Variants in ARRB1 observed in about 807,000 individuals in gnomAD.
ARRB1 encodes the protein beta-arrestin-1.
In ARRB1, 21 loss-of-function variants were observed where a neutral mutation model predicts 56.8. That is an observed-to-expected ratio of 0.37 (90% CI 0.26 to 0.53). The LOEUF (loss-of-function observed/expected upper bound fraction) is 0.53. Ranked by LOEUF, ARRB1 falls within the 20% of genes least tolerant of loss-of-function variation. ARRB1 has a pLI of 0.88. For synonymous variants in ARRB1, 210 were observed against 218.6 expected (o/e 0.96, Z 0.35); for missense variants, 424 against 553.7 (o/e 0.77, Z 2.35).
chr11:75,342,045 T>C (rs1005840485), intron 1 of ARRB1, among the ~76,000 whole-genome samples: 4 of 152,188 alleles, frequency 2.6e-5, no homozygotes, highest in Admixed American at 6.5e-5. Context: ...TACTTCCTGC[T>C]TGACACATAG....
intron 1 of ARRB1, among the ~76,000 whole-genome samples, chr11:75,322,566 G>A (rs1947364179): frequency 6.6e-6 from 1 of 152,176 alleles, no homozygotes; most frequent in African/African-American, 2.4e-5. Flanking sequence ...TCTAGGGGAA[G>A]ACAGGGGAAT....
chr11:75,337,705 T>C lies in ARRB1; in HGVS notation c.20+13883A>G, dbSNP rs531386702. Among the ~76,000 whole-genome samples, 3 of 149,476 alleles carry C rather than the reference T, an allele frequency of 2.0e-5. No individual in the cohort carries two copies. The South Asian group carries it at 6.4e-4, about 32-fold the overall frequency. ...CCTGGAAGAGGCCATTCACTCTACC[T>C]GGGCAGGGAGCAGTCAAGGGAGGGC... On this transcript the variant is annotated intron_variant, in intron 1 of 15. Coordinates refer to ENST00000420843, the MANE Select transcript of ARRB1 (RefSeq NM_004041.5).
chr11:75,283,602 T>G, intron 4 of ARRB1, 119 bp from the exon 5 acceptor site: 3 of 981,316 alleles, frequency 3.1e-6, no homozygotes, highest in Non-Finnish European at 4.4e-6. Context: ...TCCCAAGCTC[T>G]GTGGGGATGG....
intron 1 of ARRB1, among the ~76,000 whole-genome samples, chr11:75,328,068 A>G (rs1947469385): frequency 1.3e-5 from 2 of 152,036 alleles, no homozygotes; most frequent in South Asian, 4.2e-4. Flanking sequence ...CCAAAGTAAA[A>G]CCCCTTACTC....
At chr11:75,318,147 C>CTTTTTTT (rs547084580) in intron 1 of ARRB1, among the ~76,000 whole-genome samples, 1 of 76,880 alleles carries the variant, frequency 1.3e-5, no homozygotes, top group Non-Finnish European at 2.3e-5. Context: ...GCATTTCTAA[C>CTTTTTTT]TTTTTTTTTT....
intron 14 of ARRB1, 31 bp from the exon 15 acceptor site, chr11:75,267,734 A>G (rs752852723): frequency 1.3e-6 from 2 of 1,592,782 alleles, no homozygotes; most frequent in Non-Finnish European, 8.6e-7. Context: ...CAGGGTGTCC[A>G]GGGATTAGTG....
At chr11:75,350,533 T>G (rs1197767434) in intron 1 of ARRB1, among the ~76,000 whole-genome samples, 1 of 152,158 alleles carries the variant, frequency 6.6e-6, no homozygotes, top group Non-Finnish European at 1.5e-5. Flanking sequence ...CCAGCGCTGG[T>G]CCTGTCTGAA....
At chr11:75,267,064 G>A (rs1440386296) in intron 15 of ARRB1, among the ~76,000 whole-genome samples, 2 of 152,170 alleles carry the variant, frequency 1.3e-5, no homozygotes, top group Non-Finnish European at 2.9e-5. Context: ...CTCATGGGGT[G>A]ACCTGAGACC....
intron 1 of ARRB1, among the ~76,000 whole-genome samples, chr11:75,345,184 G>A (rs778794889): frequency 3.3e-5 from 5 of 152,126 alleles, no homozygotes; most frequent in African/African-American, 7.2e-5. Context: ...AACTCCCAGG[G>A]GCTTCATCTG....
chr11:75,275,123 A>ATTTATTTTAT (rs71036039), intron 10 of ARRB1, among the ~76,000 whole-genome samples: 65,332 of 137,708 alleles, frequency 0.47, 16,449 homozygotes, highest in East Asian at 0.55. Flanking sequence ...TTTAATTTAA[A>ATTTATTTTAT]TTTATTTTAT....
At chr11:75,296,766 C>G (rs1946760076) in intron 1 of ARRB1, among the ~76,000 whole-genome samples, 1 of 152,118 alleles carries the variant, frequency 6.6e-6, no homozygotes, top group South Asian at 2.1e-4. Context: ...CAACCTCCAT[C>G]TCCCAGGCTC....
intron 1 of ARRB1, chr11:75,306,813 T>C (rs75765618): frequency 0.027 from 13,980 of 512,104 alleles, 253 homozygotes; most frequent in Non-Finnish European, 0.035. Flanking sequence ...GGAGGGCGGA[T>C]GTCCCTGGGC....
intron 1 of ARRB1, among the ~76,000 whole-genome samples, chr11:75,305,018 C>CTTTTTTTTTTTTTTTTTTTTTTTTTTTTT (rs35323331): frequency 5.8e-5 from 5 of 86,734 alleles, no homozygotes; most frequent in Admixed American, 1.4e-4. Context: ...TTCTTTCTTT[C>CTTTTTTTTTTTTTTTTTTTTTTTTTTTTT]TTTTTTTTTT....
chr11:75,267,190 G>C (rs554161351), intron 15 of ARRB1, among the ~76,000 whole-genome samples: 1 of 152,186 alleles, frequency 6.6e-6, no homozygotes, highest in African/African-American at 2.4e-5. Flanking sequence ...TCCCCCTCTG[G>C]CCACTGTCCG....
intron 1 of ARRB1, among the ~76,000 whole-genome samples, chr11:75,324,628 A>AG (rs1380926324): frequency 6.6e-6 from 1 of 152,006 alleles, no homozygotes; most frequent in Admixed American, 6.6e-5. Flanking sequence ...GGTGTGGAAT[A>AG]GGGGGCAGCA....
intron 1 of ARRB1, among the ~76,000 whole-genome samples, chr11:75,293,000 C>T (rs1946644193): frequency 6.6e-6 from 1 of 152,046 alleles, no homozygotes; most frequent in Non-Finnish European, 1.5e-5. Context: ...GGCTGTTTTC[C>T]TAAACCGGGT....
intron 1 of ARRB1, among the ~76,000 whole-genome samples, chr11:75,327,413 T>C (rs1277862918): frequency 2.0e-5 from 3 of 151,854 alleles, no homozygotes; most frequent in Non-Finnish European, 4.4e-5. Flanking sequence ...GCAATCCTCC[T>C]GTCTCAGCCT....
At chr11:75,288,107 C>G (rs1256943553) in intron 2 of ARRB1, among the ~76,000 whole-genome samples, 1 of 152,240 alleles carries the variant, frequency 6.6e-6, no homozygotes, top group African/African-American at 2.4e-5. Flanking sequence ...AGGTGATCAG[C>G]CTGCCTCAGC....
At position 75,261,506 on chromosome 11, in the gene ARRB1, C is replaced by T. The variant is rs1428334291; in HGVS notation, c.*4657G>A. On this transcript the variant is annotated 3_prime_UTR_variant, in exon 16 of 16. Transcript: ENST00000420843. ...CACTCCCATCTTCCCACTTTAGCAT[C>T]CCCTGACAAAGCTCTGTGGAATATC... 3.9e-5 allele frequency: 6 copies of T among 152,206 alleles called. No individual in the cohort carries two copies. Among genetic ancestry groups the T allele is most frequent in the Non-Finnish European group, 7.3e-5 (5 of 68,058 alleles). The allele number at this position is 152,206 out of a possible 1,614,324, so 9.4% of individuals were successfully genotyped here.
Sources: gnomAD v4.1 joint callset for allele counts (sites outside exome capture counted in the v4.1 genomes callset) on GRCh38, gnomAD v4.1.1 for gene constraint, MANE v1.5 for transcripts, NCBI Gene and HGNC (gene_info 2026-07-23, HGNC 2026-07-21) for gene names.